The following PCYT1A variants were observed in gnomAD, a reference collection of about 807,000 sequenced individuals.
PCYT1A encodes the protein choline-phosphate cytidylyltransferase A.
Under a neutral mutation model 43.7 loss-of-function variants are expected in PCYT1A, and 25 were observed. That is an observed-to-expected ratio of 0.57 (90% confidence interval 0.42 to 0.80). PCYT1A has a LOEUF of 0.80. Among genes scored for constraint, PCYT1A ranks in the 30% least tolerant of loss-of-function variants. The pLI, the probability that PCYT1A is intolerant of heterozygous loss-of-function variation, is 0.00. For missense variants in PCYT1A, 421 were observed against 474.2 expected, an observed-to-expected ratio of 0.89 and a Z score of 1.04; for synonymous variants, 172 against 170.7, an observed-to-expected ratio of 1.01 and a Z score of -0.06.
chr3:196,281,377 G>C (rs1725767762), intron 1 of PCYT1A, among the ~76,000 whole-genome samples: 1 of 152,226 alleles, frequency 6.6e-6, no homozygotes, highest in South Asian at 2.1e-4. Flanking sequence ...CTAAGCGAAA[G>C]TAGGGAAAAG....
chr3:196,252,909 AAG>A lies in PCYT1A; in HGVS notation c.218-4588_218-4587del, dbSNP rs987530237. Among the ~76,000 whole-genome samples the A allele has an allele frequency of 2.2e-4, 31 of 139,844 alleles. No individual in the cohort carries two copies. The Admixed American group carries it at 2.2e-3, about 10-fold the overall frequency. 91.7% of individuals were successfully genotyped at this position (139,844 alleles called of 152,430 possible). On this transcript the variant is annotated intron_variant, in intron 3 of 8. Transcript: ENST00000431016. The surrounding 1 kb of genome is among the most constrained non-coding windows in gnomAD (Gnocchi z 4.0). The stretch of plus-strand genomic sequence containing the variant: ...CAGCATGTGTCAACTAAAAAAAAAG[AAG>A]AAAAAAATATTTTTAAAAAGATAAT...
chr3:196,285,971 T>C (rs1725898727), intron 1 of PCYT1A, among the ~76,000 whole-genome samples: 1 of 151,970 alleles, frequency 6.6e-6, no homozygotes, highest in African/African-American at 2.4e-5. Context: ...GTTCCTACGC[T>C]CAAAGCTTCC....
In PCYT1A at chr3:196,252,288, C is replaced by A. The variant is rs977741769; in HGVS notation, c.218-3965G>T. On this transcript the variant is annotated intron_variant, in intron 3 of 8. Coordinates refer to ENST00000431016, the MANE Select transcript of PCYT1A (RefSeq NM_001312673.2). The surrounding 1 kb of genome is among the most constrained non-coding windows in gnomAD (Gnocchi z 4.0). ...TTTGAGATGGAGTCTTGCTCTGTTGCCCAGGCTGGAGTGTGGTGACATGAT... is the reference window on the plus strand; with the variant it reads ...TTTGAGATGGAGTCTTGCTCTGTTGACCAGGCTGGAGTGTGGTGACATGAT... Among the ~76,000 whole-genome samples, 2 of 152,154 alleles carry A rather than the reference C, an allele frequency of 1.3e-5. No homozygotes were observed. Among genetic ancestry groups the A allele is most frequent in the Non-Finnish European group, 2.9e-5 (2 of 68,028 alleles).
At chr3:196,241,084 A>G (rs1268579502) in intron 7 of PCYT1A, among the ~76,000 whole-genome samples, 1 of 142,734 alleles carries the variant, frequency 7.0e-6, no homozygotes, top group Non-Finnish European at 1.5e-5. Context: ...GCTTGAGGCC[A>G]GGAGTTTGAG....
chr3:196,245,545 T>C (rs530738426), intron 5 of PCYT1A, among the ~76,000 whole-genome samples: 2 of 152,302 alleles, frequency 1.3e-5, no homozygotes, highest in Admixed American at 6.5e-5. Flanking sequence ...CTCCTTCCTG[T>C]ATGGGCCACC....
rs115881403 is a variant in PCYT1A, at chr3:196,241,227, A to G, written c.708+721T>C. On this transcript the variant is annotated intron_variant, in intron 7 of 8. Transcript: ENST00000431016. ...ATTCAGGAGGCTAAGGCACCAGGAG[A>G]CAGAGGCTGCAGTGAGCCGAGATCA... is the stretch of plus-strand genomic sequence containing the variant. Among the ~76,000 whole-genome samples the G allele has an allele frequency of 3.0e-3, 450 of 151,474 alleles. 4 individuals are homozygous for G. The highest frequency in any genetic ancestry group is 0.01 in the African/African-American group (430 of 41,256).
At chr3:196,257,203 T>C (rs1242392166) in intron 3 of PCYT1A, among the ~76,000 whole-genome samples, 1 of 152,220 alleles carries the variant, frequency 6.6e-6, no homozygotes, top group Non-Finnish European at 1.5e-5. Context: ...GCATCTCGAA[T>C]ATATATTAGT....
At chr3:196,249,030 G>T (rs369274269) in intron 3 of PCYT1A, among the ~76,000 whole-genome samples, 1 of 152,136 alleles carries the variant, frequency 6.6e-6, no homozygotes, top group Non-Finnish European at 1.5e-5. Flanking sequence ...AAAGTGCTGG[G>T]ATTACAGGTG....
chr3:196,249,291 T>TG (rs1050344756), intron 3 of PCYT1A, among the ~76,000 whole-genome samples: 2 of 150,238 alleles, frequency 1.3e-5, no homozygotes, highest in African/African-American at 4.9e-5. Flanking sequence ...GGACCACAGA[T>TG]GGACACCACC....
chr3:196,285,069 G>A (rs1725869873), intron 1 of PCYT1A, among the ~76,000 whole-genome samples: 2 of 152,188 alleles, frequency 1.3e-5, no homozygotes, highest in East Asian at 1.9e-4. Context: ...GGGGGCAGGA[G>A]TGGTTATCAG....
chr3:196,244,065 C>A (rs1383750592), intron 5 of PCYT1A, among the ~76,000 whole-genome samples: 2 of 151,014 alleles, frequency 1.3e-5, no homozygotes, highest in Non-Finnish European at 2.9e-5. Flanking sequence ...CTCTTCCCGG[C>A]CGCCCATCGT....
At position 196,235,278 on chromosome 3, in the gene PCYT1A, C is replaced by T. The variant is rs965957398; in HGVS notation, c.*3410G>A. ...AAAAAAAATCACTATCGCTCAGGTG[C>T]AGCCCCCCAAAAACCACCATCACTC... On this transcript the variant is annotated 3_prime_UTR_variant, in exon 9 of 9. Coordinates refer to ENST00000431016, the MANE Select transcript of PCYT1A (RefSeq NM_001312673.2). This position sits in a 1 kb window ranked among gnomAD's most constrained non-coding sequence, Gnocchi z 4.3. 1.3e-5 allele frequency: 2 copies of T among 152,450 alleles called. No homozygotes were observed. The highest frequency in any genetic ancestry group is 2.9e-5 in the Non-Finnish European group (2 of 68,172). 9.4% of individuals were successfully genotyped at this position (152,450 alleles called of 1,614,324 possible). A position where few individuals can be genotyped will look rare whatever the true frequency, so the allele number is the denominator to read the frequency against.
intron 2 of PCYT1A, among the ~76,000 whole-genome samples, chr3:196,259,515 C>T (rs1158938096): frequency 6.6e-6 from 1 of 152,100 alleles, no homozygotes; most frequent in Non-Finnish European, 1.5e-5. Flanking sequence ...ATTGTTTTAA[C>T]ATTAAAACAC....
rs1368102125 is a variant in PCYT1A, at chr3:196,247,276, C to T, written c.486+91G>A. On this transcript the variant is annotated intron_variant, in intron 5 of 8. Coordinates refer to ENST00000431016, the MANE Select transcript of PCYT1A (RefSeq NM_001312673.2). This position sits in a 1 kb window ranked among gnomAD's most constrained non-coding sequence, Gnocchi z 4.8. ...TTACATAAGAGGTAGAAGTAAAACA[C>T]GGCTAGTGGAAAACCAGCCTACGTG... The T allele has an allele frequency of 2.4e-5, 31 of 1,314,170 alleles. No homozygotes were observed. In the Admixed American group the frequency reaches 2.5e-4, roughly 11 times the overall value. 81.4% of individuals were successfully genotyped at this position (1,314,170 alleles called of 1,614,324 possible). A position where few individuals can be genotyped will look rare whatever the true frequency, so the allele number is the denominator to read the frequency against.
rs1724617131 is a variant in PCYT1A at position 196,247,794 on chromosome 3, G to A, written c.335-276C>T. 1 of 596,736 alleles carries A rather than the reference G, an allele frequency of 1.7e-6. No individual in the cohort carries two copies. Among genetic ancestry groups the A allele is most frequent in the Non-Finnish European group, 3.1e-6 (1 of 325,174 alleles). The allele number at this position is 596,736 out of a possible 1,614,324, so 37.0% of individuals were successfully genotyped here. A position where few individuals can be genotyped will look rare whatever the true frequency, so the allele number is the denominator to read the frequency against. On this transcript the variant is annotated intron_variant, in intron 4 of 8. Coordinates refer to ENST00000431016, the MANE Select transcript of PCYT1A (RefSeq NM_001312673.2). This position sits in a 1 kb window ranked among gnomAD's most constrained non-coding sequence, Gnocchi z 4.8. The stretch of plus-strand genomic sequence containing the variant: ...TCTTTGACTCTGAAATAAACCTGCT[G>A]TGCGTGTCTGCATCAATTAAGTCCT...
chr3:196,286,194 C>T (rs1038354956), intron 1 of PCYT1A, among the ~76,000 whole-genome samples: 3 of 151,878 alleles, frequency 2.0e-5, no homozygotes, highest in African/African-American at 7.3e-5. Context: ...TCCCCAGTAG[C>T]TGGGATTCCA....
rs1225864407 is a variant in PCYT1A, at chr3:196,270,490, C to T, written c.42G>A (p.Arg14=). 1.2e-6 allele frequency: 2 copies of T among 1,614,194 alleles called. No homozygotes were observed. The highest frequency in any genetic ancestry group is 1.7e-6 in the Non-Finnish European group (2 of 1,180,004). Residue 14 remains arginine (R), a synonymous_variant, in exon 2 of 9, where the codon AGG becomes AGA. Coordinates refer to ENST00000431016, the MANE Select transcript of PCYT1A (RefSeq NM_001312673.2). ...CGTTGGGTCCGGGCGCCTCTTTTCT[C>T]CTCTTCCTTGCATTGACCTTGGCTG... ...QCSAKVNARK[R]RKEAPGPNGA...
At chr3:196,257,676 G>T in intron 3 of PCYT1A, 112 bp downstream of exon 3, 1 of 650,918 alleles carries the variant, frequency 1.5e-6, no homozygotes, top group Non-Finnish European at 2.8e-6. Flanking sequence ...TTCGCTGCTG[G>T]CCTTTGCAAG....
chr3:196,266,513 C>T lies in PCYT1A; in HGVS notation c.117+3902G>A, dbSNP rs186345190. On this transcript the variant is annotated intron_variant, in intron 2 of 8. Transcript: ENST00000431016. ...TAAAAATGCAAGAAAATCTTGCTTA[C>T]TCAACCCAAATGTCAACTGGAGAAT... 1.4e-3 allele frequency among the ~76,000 whole-genome samples: 212 copies of T among 152,052 alleles called. 2 individuals carry two copies. The highest frequency in any genetic ancestry group is 2.6e-3 in the Admixed American group (39 of 15,268).
Sources: gnomAD v4.1 joint callset for allele counts (sites outside exome capture counted in the v4.1 genomes callset) on GRCh38, gnomAD v4.1.1 for gene constraint, Gnocchi (gnomAD v3.1) non-coding constraint, MANE v1.5 for transcripts, NCBI Gene and HGNC (gene_info 2026-07-23, HGNC 2026-07-21) for gene names.